The following ADCK1 variants were observed in gnomAD, a reference collection of about 807,000 sequenced individuals.
ADCK1 encodes the protein aarF domain-containing protein kinase 1.
In ADCK1, 41 loss-of-function variants were observed where a neutral mutation model predicts 52.3. The observed-to-expected ratio is 0.78, with a 90% CI of 0.61 to 1.02. The LOEUF (loss-of-function observed/expected upper bound fraction) is 1.02, where lower values mean the gene tolerates loss of function less well. Ranked by LOEUF, ADCK1 falls within the 50% of genes least tolerant of loss-of-function variation. ADCK1 has a pLI of 0.00. For missense variants in ADCK1, 658 were observed against 679.5 expected, an observed-to-expected ratio of 0.97 and a Z score of 0.35; for synonymous variants, 250 against 274.6, an observed-to-expected ratio of 0.91 and a Z score of 0.89.
intron 7 of ADCK1, among the ~76,000 whole-genome samples, chr14:77,911,910 C>T (rs894958916): frequency 5.9e-5 from 9 of 152,080 alleles, no homozygotes; most frequent in African/African-American, 2.2e-4. Flanking sequence ...TTGTATACCT[C>T]AGTAAGTTTC....
chr14:77,871,546 C>A (rs755757992), intron 4 of ADCK1, among the ~76,000 whole-genome samples: 2 of 152,090 alleles, frequency 1.3e-5, no homozygotes, highest in Non-Finnish European at 2.9e-5. Context: ...TTAGTAGAGA[C>A]AGGGTTTCTC....
At chr14:77,844,144 T>G (rs941316486) in intron 3 of ADCK1, among the ~76,000 whole-genome samples, 1 of 152,116 alleles carries the variant, frequency 6.6e-6, no homozygotes, top group African/African-American at 2.4e-5. Context: ...CTCCCCTTAC[T>G]GCAACCTCTG....
intron 10 of ADCK1, among the ~76,000 whole-genome samples, chr14:77,932,926 G>A (rs973381547): frequency 5.3e-5 from 8 of 152,202 alleles, no homozygotes; most frequent in Admixed American, 1.3e-4. Context: ...CTATGCTTTT[G>A]GAGAAAGAAA....
rs922054942 is a variant in ADCK1 at position 77,859,059 on chromosome 14, G to T, written c.220-17G>T. 1.3e-6 allele frequency: 2 copies of T among 1,585,308 alleles called. No homozygotes were observed. Among genetic ancestry groups the T allele is most frequent in the Non-Finnish European group, 8.6e-7 (1 of 1,166,424 alleles). ...TCTGCACTCACACCTCTCTGGTCCTGGCCTGTCTTCCTGCAGGTGCACCTT... is the reference window on the plus strand; with the variant it reads ...TCTGCACTCACACCTCTCTGGTCCTTGCCTGTCTTCCTGCAGGTGCACCTT... On this transcript the variant is annotated splice_polypyrimidine_tract_variant and intron_variant, in intron 3 of 10. Transcript: ENST00000238561.
At chr14:77,890,359 C>T (rs2083258730) in intron 5 of ADCK1, among the ~76,000 whole-genome samples, 1 of 152,214 alleles carries the variant, frequency 6.6e-6, no homozygotes, top group South Asian at 2.1e-4. Flanking sequence ...GCTTGGTCTT[C>T]CTCACAGCAT....
At chr14:77,931,238 T>C (rs141833449) in intron 9 of ADCK1, among the ~76,000 whole-genome samples, 65 of 152,304 alleles carry the variant, frequency 4.3e-4, no homozygotes, top group Non-Finnish European at 9.0e-4. Flanking sequence ...GAAAAAGCCA[T>C]GGAGAATAAC....
At chr14:77,822,605 C>G in intron 3 of ADCK1, 87 bp downstream of exon 3, 2 of 1,162,524 alleles carry the variant, frequency 1.7e-6, no homozygotes, top group Non-Finnish European at 2.6e-6. Flanking sequence ...CCACCTCACC[C>G]CCGCAAAGTG....
intron 6 of ADCK1, among the ~76,000 whole-genome samples, chr14:77,903,191 C>T (rs2083585668): frequency 6.6e-6 from 1 of 152,228 alleles, no homozygotes; most frequent in Non-Finnish European, 1.5e-5. Flanking sequence ...CCAAAACTTG[C>T]ACACCCTTCC....
At chr14:77,802,015 A>C (rs186143806) in intron 1 of ADCK1, among the ~76,000 whole-genome samples, 1 of 151,940 alleles carries the variant, frequency 6.6e-6, no homozygotes, top group Non-Finnish European at 1.5e-5. Context: ...TCCTGGGTTA[A>C]GGTTTCCATG....
intron 1 of ADCK1, among the ~76,000 whole-genome samples, chr14:77,813,960 G>T (rs1417247833): frequency 6.6e-6 from 1 of 151,956 alleles, no homozygotes; most frequent in African/African-American, 2.4e-5. Context: ...TAGAGACAGG[G>T]TTTTGCCATG....
intron 8 of ADCK1, among the ~76,000 whole-genome samples, chr14:77,925,020 G>A (rs1214795491): frequency 6.6e-6 from 1 of 152,178 alleles, no homozygotes; most frequent in African/African-American, 2.4e-5. Context: ...AGCCAGTGGG[G>A]GCTGGAGGGC....
rs577023686 is a variant in ADCK1 at position 77,819,471 on chromosome 14, C to T, written c.135+358C>T. Among the ~76,000 whole-genome samples, 267 of 152,242 alleles carry T rather than the reference C, an allele frequency of 1.8e-3. 1 individual carries two copies. Among genetic ancestry groups the T allele is most frequent in the African/African-American group, 6.1e-3 (255 of 41,532 alleles). On this transcript the variant is annotated intron_variant, in intron 2 of 10. Coordinates refer to ENST00000238561, the MANE Select transcript of ADCK1 (RefSeq NM_020421.4). ...CCGTGCTCTTCAGTAAATGCATGTG[C>T]AAGGAGGACTTTACAGTTTTGATTA...
At chr14:77,841,762 T>G (rs2082072713) in intron 3 of ADCK1, among the ~76,000 whole-genome samples, 1 of 148,066 alleles carries the variant, frequency 6.8e-6, no homozygotes, top group Non-Finnish European at 1.5e-5. Flanking sequence ...GAGAATAGCT[T>G]GAACTTGGGA....
intron 3 of ADCK1, among the ~76,000 whole-genome samples, chr14:77,831,020 C>T (rs2081837075): frequency 6.6e-6 from 1 of 152,194 alleles, no homozygotes; most frequent in African/African-American, 2.4e-5. Flanking sequence ...AGCTTCATTA[C>T]TGATAGACAC....
chr14:77,820,737 C>G (rs906316711), intron 2 of ADCK1, among the ~76,000 whole-genome samples: 4 of 150,592 alleles, frequency 2.7e-5, no homozygotes, highest in Non-Finnish European at 5.9e-5. Context: ...TCCATGCATC[C>G]AAATCCATAT....
At chr14:77,910,412 A>T (rs986525533) in intron 7 of ADCK1, among the ~76,000 whole-genome samples, 1 of 151,952 alleles carries the variant, frequency 6.6e-6, no homozygotes, top group African/African-American at 2.4e-5. Context: ...GGTACATGGG[A>T]GGTGTTCAAG....
chr14:77,827,257 CAGG>C, intron 3 of ADCK1, among the ~76,000 whole-genome samples: 1 of 148,082 alleles, frequency 6.8e-6, no homozygotes, highest in Non-Finnish European at 1.5e-5. Flanking sequence ...GAGGCTGAGG[CAGG>C]AGAACTACTT....
intron 3 of ADCK1, among the ~76,000 whole-genome samples, chr14:77,846,545 C>T (rs1348193875): frequency 6.6e-6 from 1 of 152,160 alleles, no homozygotes; most frequent in Non-Finnish European, 1.5e-5. Context: ...GGGCAGGTGG[C>T]TCTCATTGAG....
At chr14:77,858,659 C>T (rs569386459) in intron 3 of ADCK1, among the ~76,000 whole-genome samples, 15 of 152,192 alleles carry the variant, frequency 9.9e-5, no homozygotes, top group African/African-American at 2.9e-4. Flanking sequence ...TTTTATAAAA[C>T]GTAGCAATCC....
Sources: gnomAD v4.1 joint callset for allele counts (sites outside exome capture counted in the v4.1 genomes callset) on GRCh38, gnomAD v4.1.1 for gene constraint, MANE v1.5 for transcripts, NCBI Gene and HGNC (gene_info 2026-07-23, HGNC 2026-07-21) for gene names.